CDH13: variants seen among roughly 807,000 people sequenced by gnomAD.
CDH13 encodes cadherin 13.
Under a neutral mutation model 63.8 loss-of-function variants are expected in CDH13, and 24 were observed. That is an observed-to-expected ratio of 0.38 (90% CI 0.27 to 0.53). The LOEUF is 0.53. CDH13 is among the 20% of genes least tolerant of loss of function. The probability of loss-of-function intolerance (pLI) is 0.85; values close to 1 mark genes in which losing one functional copy is unlikely to be tolerated. For synonymous variants in CDH13, 503 were observed against 355.3 expected, an observed-to-expected ratio of 1.42 and a Z score of -4.67; for missense variants, 1,049 against 903.1, an observed-to-expected ratio of 1.16 and a Z score of -2.07.
intron 1 of CDH13, among the ~76,000 whole-genome samples, chr16:82,762,080 C>T (rs545793107): frequency 6.6e-6 from 1 of 152,224 alleles, no homozygotes; most frequent in East Asian, 1.9e-4. Flanking sequence ...AAATCGGAAG[C>T]TAGAAAGGAA....
At chr16:83,714,791 A>T (rs989891884) in intron 10 of CDH13, among the ~76,000 whole-genome samples, 4 of 152,122 alleles carry the variant, frequency 2.6e-5, no homozygotes, top group Non-Finnish European at 4.4e-5. Context: ...ATGCCTTCTT[A>T]ATCTGCTTGA....
At chr16:82,843,721 G>A (rs2039130234) in intron 1 of CDH13, among the ~76,000 whole-genome samples, 1 of 152,222 alleles carries the variant, frequency 6.6e-6, no homozygotes, top group Admixed American at 6.5e-5. Flanking sequence ...CTTGTCTAAT[G>A]TCTGGCAGAG....
chr16:83,270,143 A>T (rs184415288), intron 5 of CDH13, among the ~76,000 whole-genome samples: 1 of 152,210 alleles, frequency 6.6e-6, no homozygotes, highest in African/African-American at 2.4e-5. Context: ...CTGTTTCTTT[A>T]TACACTGTTA....
At chr16:83,371,387 C>G (rs191329133) in intron 6 of CDH13, among the ~76,000 whole-genome samples, 1 of 152,076 alleles carries the variant, frequency 6.6e-6, no homozygotes, top group African/African-American at 2.4e-5. Context: ...TCCACTATAC[C>G]CCTGCCTTTT....
intron 8 of CDH13, among the ~76,000 whole-genome samples, chr16:83,619,052 C>T (rs566172453): frequency 6.6e-6 from 1 of 152,230 alleles, no homozygotes; most frequent in Admixed American, 6.5e-5. Flanking sequence ...GAAGCGTCAC[C>T]TTCAGCCTGC....
chr16:83,737,773 A>T (rs1282489161), intron 10 of CDH13, among the ~76,000 whole-genome samples: 1 of 152,220 alleles, frequency 6.6e-6, no homozygotes, highest in African/African-American at 2.4e-5. Flanking sequence ...TGGCACAAAC[A>T]AATGCCCAAC....
chr16:83,779,800 G>T (rs1182846667), intron 11 of CDH13, among the ~76,000 whole-genome samples, 168 bp from the exon 12 acceptor site: 1 of 152,210 alleles, frequency 6.6e-6, no homozygotes, highest in Non-Finnish European at 1.5e-5. Flanking sequence ...TGTGGCTGCA[G>T]TGAGCCATGA....
At chr16:83,248,136 C>T (rs1442302806) in intron 5 of CDH13, among the ~76,000 whole-genome samples, 1 of 152,062 alleles carries the variant, frequency 6.6e-6, no homozygotes, top group Non-Finnish European at 1.5e-5. Flanking sequence ...CCACGGGAAC[C>T]TGCTGGCTTT....
At chr16:82,791,433 C>T (rs568911750) in intron 1 of CDH13, among the ~76,000 whole-genome samples, 4 of 152,248 alleles carry the variant, frequency 2.6e-5, no homozygotes, top group South Asian at 2.1e-4. Flanking sequence ...ACAGGGGGAG[C>T]GACAATGATC....
At chr16:83,443,746 AT>A (rs1349950706) in intron 6 of CDH13, among the ~76,000 whole-genome samples, 7 of 119,670 alleles carry the variant, frequency 5.8e-5, no homozygotes, top group African/African-American at 3.5e-4. Context: ...ATATATATAT[AT>A]ATATATATAT....
At chr16:82,692,345 G>A (rs1416431889) in intron 1 of CDH13, among the ~76,000 whole-genome samples, 1 of 152,222 alleles carries the variant, frequency 6.6e-6, no homozygotes. Context: ...ATAAAGGAAA[G>A]AGGATTAATT....
chr16:83,118,950 C>A (rs111563788), intron 3 of CDH13, among the ~76,000 whole-genome samples: 1 of 152,160 alleles, frequency 6.6e-6, no homozygotes, highest in African/African-American at 2.4e-5. Context: ...AAGGTCAGCC[C>A]CATTCCTTGT....
intron 3 of CDH13, among the ~76,000 whole-genome samples, chr16:83,089,710 A>G (rs1366880552): frequency 6.6e-6 from 1 of 152,194 alleles, no homozygotes; most frequent in Non-Finnish European, 1.5e-5. Flanking sequence ...TTTGCCATGG[A>G]CTTCTATCTC....
At chr16:82,805,352 G>C (rs2151168394) in intron 1 of CDH13, among the ~76,000 whole-genome samples, 1 of 152,296 alleles carries the variant, frequency 6.6e-6, no homozygotes, top group Middle Eastern at 3.4e-3. Flanking sequence ...CTTCTCATTT[G>C]ATGATTAGAA....
chr16:83,114,209 C>G (rs985353951), intron 3 of CDH13, among the ~76,000 whole-genome samples: 1 of 152,092 alleles, frequency 6.6e-6, no homozygotes, highest in African/African-American at 2.4e-5. Flanking sequence ...ATTGGACCTT[C>G]GATGCATTTT....
chr16:82,808,546 G>C (rs545086186), intron 1 of CDH13, among the ~76,000 whole-genome samples: 1 of 152,272 alleles, frequency 6.6e-6, no homozygotes, highest in Non-Finnish European at 1.5e-5. Context: ...GCAAGTGATA[G>C]GTACACAAGG....
chr16:82,956,736 G>T (rs959109049), intron 2 of CDH13, among the ~76,000 whole-genome samples: 26 of 152,162 alleles, frequency 1.7e-4, no homozygotes, highest in African/African-American at 5.3e-4. Flanking sequence ...GAATGTGCCA[G>T]GTTCTTTCAC....
At chr16:83,366,742 G>C (rs1305784511) in intron 6 of CDH13, among the ~76,000 whole-genome samples, 1 of 152,054 alleles carries the variant, frequency 6.6e-6, no homozygotes, top group African/African-American at 2.4e-5. Flanking sequence ...ACCTTCTCCT[G>C]ACCTGTCTTC....
chr16:82,770,260 GT>G (rs1422590927), intron 1 of CDH13, among the ~76,000 whole-genome samples: 2 of 152,228 alleles, frequency 1.3e-5, no homozygotes, highest in African/African-American at 2.4e-5. Flanking sequence ...GTGTGAGTGT[GT>G]GTTTTTGTGC....
Sources: gnomAD v4.1 joint callset for allele counts (sites outside exome capture counted in the v4.1 genomes callset) on GRCh38, gnomAD v4.1.1 for gene constraint, MANE v1.5 for transcripts, NCBI Gene and HGNC (gene_info 2026-07-23, HGNC 2026-07-21) for gene names.